The following RGS5 variants were observed in gnomAD, a reference collection of about 807,000 sequenced individuals.
RGS5 encodes the protein regulator of G-protein signalling 5.
A neutral mutation model predicts 18.9 loss-of-function variants in RGS5; 20 were observed. The observed-to-expected ratio is 1.06, with a 90% confidence interval of 0.74 to 1.54. The LOEUF (loss-of-function observed/expected upper bound fraction) is 1.54. Among genes scored for constraint, RGS5 ranks in the 40% most tolerant of loss-of-function variants. The pLI is 0.00. For synonymous variants in RGS5, 57 were observed against 76.2 expected, an observed-to-expected ratio of 0.75 and a Z score of 1.31; for missense variants, 201 against 211.8, an observed-to-expected ratio of 0.95 and a Z score of 0.32.
intron 2 of RGS5, among the ~76,000 whole-genome samples, chr1:163,291,161 C>T (rs909814861): frequency 6.6e-6 from 1 of 150,862 alleles, no homozygotes; most frequent in African/African-American, 2.4e-5. Context: ...TCTGTAGAAT[C>T]ATAAAAACTC....
At chr1:163,313,899 T>A (rs897986209) in intron 1 of RGS5, among the ~76,000 whole-genome samples, 2 of 152,160 alleles carry the variant, frequency 1.3e-5, no homozygotes, top group African/African-American at 4.8e-5. Flanking sequence ...ACAGAGCTTC[T>A]AACATTAATT....
rs543967510 is a variant in RGS5 at position 163,277,142 on chromosome 1, C to G, written c.-281+29091G>C. Among the ~76,000 whole-genome samples, 18 of 152,302 alleles carry G rather than the reference C, an allele frequency of 1.2e-4. No individual in the cohort carries two copies. The South Asian group carries it at 3.7e-3, about 32-fold the overall frequency. ...ACACAGACATTCCTTTCTATTGATT[C>G]CAGGTCTTTAGATAATAACTTAACT... On this transcript the variant is annotated intron_variant, in intron 2 of 5. Transcript: ENST00000618415.
upstream of RGS5, among the ~76,000 whole-genome samples, chr1:163,219,619 T>C (rs1225341273): frequency 1.3e-5 from 2 of 152,182 alleles, no homozygotes; most frequent in Non-Finnish European, 1.5e-5. Flanking sequence ...ATGTAGATGA[T>C]GTTCATGCAT....
rs1657098084 is a variant in RGS5 at position 163,145,535 on chromosome 1, A to G, written c.*1807T>C. ...TGAGAACTTCATGATTGTAGCATTG[A>G]TCTGGCCTAGCTCTGGACTGCTTGA... On this transcript the variant is annotated 3_prime_UTR_variant, in exon 5 of 5. Transcript: ENST00000313961. 1 of 152,092 alleles carries G rather than the reference A, an allele frequency of 6.6e-6. No individual in the cohort carries two copies. The highest frequency in any genetic ancestry group is 6.6e-5 in the Admixed American group (1 of 15,252). 9.4% of individuals were successfully genotyped at this position (152,092 alleles called of 1,614,324 possible).
intron 2 of RGS5, chr1:163,304,686 C>T (rs1034379657): frequency 3.3e-5 from 5 of 152,184 alleles, no homozygotes; most frequent in African/African-American, 1.2e-4. Flanking sequence ...ATAGCATCTA[C>T]TTCATAATAG....
chr1:163,221,781 T>C (rs1304573868), upstream of RGS5, among the ~76,000 whole-genome samples: 1 of 152,202 alleles, frequency 6.6e-6, no homozygotes, highest in Non-Finnish European at 1.5e-5. Flanking sequence ...AAGTTTATAA[T>C]CTACAGTCAT....
At chr1:163,187,695 C>T (rs142856867) in intron 1 of RGS5, among the ~76,000 whole-genome samples, 1 of 152,182 alleles carries the variant, frequency 6.6e-6, no homozygotes, top group Non-Finnish European at 1.5e-5. Flanking sequence ...CCCCCTCCCC[C>T]ATGCCTCACC....
chr1:163,294,115 G>T (rs1046480127), intron 2 of RGS5, among the ~76,000 whole-genome samples: 7 of 152,222 alleles, frequency 4.6e-5, no homozygotes, highest in Non-Finnish European at 8.8e-5. Context: ...GGGGCTGGAG[G>T]ATGGTGGCCT....
chr1:163,260,022 C>T (rs1384945879), intron 2 of RGS5: 2 of 152,144 alleles, frequency 1.3e-5, no homozygotes, highest in African/African-American at 4.8e-5. Flanking sequence ...TCAAAATATC[C>T]CCATGCTCCC....
intron 2 of RGS5, among the ~76,000 whole-genome samples, chr1:163,252,424 T>A (rs12079728): frequency 0.022 from 3,383 of 152,288 alleles, 43 homozygotes; most frequent in African/African-American, 0.03. Flanking sequence ...CAAAAGTCTT[T>A]AAAAAATTAA....
chr1:163,300,378 C>T (rs7545734), intron 2 of RGS5: 7,571 of 152,278 alleles, frequency 0.05, 224 homozygotes, highest in South Asian at 0.094. Context: ...GTTCTGAATA[C>T]GATTGATCGT....
chr1:163,144,000 A>C lies in RGS5; in HGVS notation c.*3342T>G, dbSNP rs1033123676. The C allele has an allele frequency of 2.0e-5, 3 of 152,194 alleles. No individual in the cohort carries two copies. The highest frequency in any genetic ancestry group is 2.9e-5 in the Non-Finnish European group (2 of 68,018). 9.4% of individuals were successfully genotyped at this position (152,194 alleles called of 1,614,324 possible). The stretch of plus-strand genomic sequence containing the variant: ...CCATGGCTTTGTAAAGGATAAAAAA[A>C]AAATTAAAATAATTTATTTCACCAA... On this transcript the variant is annotated 3_prime_UTR_variant, in exon 5 of 5. Coordinates refer to ENST00000313961, the MANE Select transcript of RGS5 (RefSeq NM_003617.4).
At chr1:163,186,059 G>T (rs1182126115) in intron 1 of RGS5, among the ~76,000 whole-genome samples, 1 of 130,776 alleles carries the variant, frequency 7.6e-6, no homozygotes, top group East Asian at 2.4e-4. Flanking sequence ...AATAGAAATA[G>T]AGAAAAAAAA....
Position 163,147,653 on chromosome 1 carries a change from G to A in RGS5, c.385-150C>T, listed in dbSNP as rs539329606. The A allele has an allele frequency of 2.2e-4, 158 of 706,478 alleles. 3 individuals carry two copies. In the South Asian group the frequency reaches 2.4e-3, roughly 11 times the overall value. The allele number at this position is 706,478 out of a possible 1,614,324, so 43.8% of individuals were successfully genotyped here. A position where few individuals can be genotyped will look rare whatever the true frequency, so the allele number is the denominator to read the frequency against. ...ACATGTCACTTCTCACTTTATAGGCGATGGGATAAGGCAGCTGATGTTCCA... is the reference window on the plus strand; with the variant it reads ...ACATGTCACTTCTCACTTTATAGGCAATGGGATAAGGCAGCTGATGTTCCA... On this transcript the variant is annotated intron_variant, in intron 4 of 4. Coordinates refer to ENST00000313961, the MANE Select transcript of RGS5 (RefSeq NM_003617.4).
chr1:163,198,484 T>G (rs1571279605), intron 1 of RGS5, among the ~76,000 whole-genome samples: 1 of 152,170 alleles, frequency 6.6e-6, no homozygotes, highest in South Asian at 2.1e-4. Flanking sequence ...TAAGGAGGCC[T>G]CATATACTTT....
intron 1 of RGS5, among the ~76,000 whole-genome samples, chr1:163,173,938 G>A (rs111578062): frequency 0.02 from 3,057 of 152,178 alleles, 48 homozygotes; most frequent in Admixed American, 0.04. Context: ...TTAGCCAAGC[G>A]TGGTGGCAGG....
At chr1:163,227,987 T>A (rs1164341674) in intron 2 of RGS5, among the ~76,000 whole-genome samples, 1 of 152,230 alleles carries the variant, frequency 6.6e-6, no homozygotes, top group Non-Finnish European at 1.5e-5. Context: ...TCCATCCCTG[T>A]GGCCATGCAA....
At chr1:163,306,447 A>G (rs1001030531) in intron 1 of RGS5, 7 of 152,180 alleles carry the variant, frequency 4.6e-5, no homozygotes, top group Admixed American at 2.0e-4. Context: ...CAGGAATTGC[A>G]TTTTGTTCTG....
At chr1:163,149,505 A>G (rs1484363906) in intron 4 of RGS5, among the ~76,000 whole-genome samples, 1 of 152,102 alleles carries the variant, frequency 6.6e-6, no homozygotes, top group Non-Finnish European at 1.5e-5. Context: ...AATAGCAGCT[A>G]TTTCTCTTGG....
Sources: gnomAD v4.1 joint callset for allele counts (sites outside exome capture counted in the v4.1 genomes callset) on GRCh38, gnomAD v4.1.1 for gene constraint, MANE v1.5 for transcripts, NCBI Gene and HGNC (gene_info 2026-07-23, HGNC 2026-07-21) for gene names.